The following ARHGEF3 variants were observed in gnomAD, a reference collection of about 807,000 sequenced individuals.
ARHGEF3 encodes 59.8 kDA protein.
In ARHGEF3, 28 loss-of-function variants were observed where a neutral mutation model predicts 63.2. That is an observed-to-expected ratio of 0.44 (90% CI 0.33 to 0.61). ARHGEF3 has a LOEUF of 0.61. Ranked by LOEUF, ARHGEF3 falls within the 20% of genes least tolerant of loss-of-function variation. The probability of loss-of-function intolerance (pLI) is 0.03; values close to 1 mark genes in which losing one functional copy is unlikely to be tolerated. For synonymous variants in ARHGEF3, 266 were observed against 254.2 expected (o/e 1.05, Z -0.44); for missense variants, 533 against 659.3 (o/e 0.81, Z 2.10).
intron 4 of ARHGEF3, among the ~76,000 whole-genome samples, chr3:56,853,858 C>T (rs2039765139): frequency 6.6e-6 from 1 of 152,052 alleles, no homozygotes; most frequent in African/African-American, 2.4e-5. Context: ...GGAGGGGTCA[C>T]CTCTGTTTGA....
chr3:56,816,189 T>C (rs1456978418), intron 4 of ARHGEF3, among the ~76,000 whole-genome samples: 1 of 152,186 alleles, frequency 6.6e-6, no homozygotes, highest in Non-Finnish European at 1.5e-5. Flanking sequence ...CACTCCAGCC[T>C]GAGTGACAGA....
At chr3:56,829,855 G>T (rs1010326415) in intron 4 of ARHGEF3, among the ~76,000 whole-genome samples, 5 of 152,136 alleles carry the variant, frequency 3.3e-5, no homozygotes, top group Non-Finnish European at 7.3e-5. Flanking sequence ...TCTCTAAGGA[G>T]GATATCCACA....
intron 1 of ARHGEF3, among the ~76,000 whole-genome samples, chr3:56,801,252 T>G (rs1338110119): frequency 6.6e-6 from 1 of 152,184 alleles, no homozygotes; most frequent in Non-Finnish European, 1.5e-5. Flanking sequence ...AGAGGGCTGG[T>G]ACGTCCCTCT....
At chr3:56,882,469 T>G in intron 3 of ARHGEF3, 27 of 758,344 alleles carry the variant, frequency 3.6e-5, no homozygotes, top group East Asian at 5.9e-5. Flanking sequence ...TCTACCATGG[T>G]ACCCAAAACC....
At chr3:56,784,139 G>A (rs1178446557) in intron 1 of ARHGEF3, among the ~76,000 whole-genome samples, 1 of 152,186 alleles carries the variant, frequency 6.6e-6, no homozygotes, top group African/African-American at 2.4e-5. Context: ...CTCCACATCT[G>A]CCTTCTGAGG....
At chr3:57,035,206 T>C in intron 1 of ARHGEF3, 4 of 1,247,410 alleles carry the variant, frequency 3.2e-6, no homozygotes, top group Non-Finnish European at 4.4e-6. Context: ...AACCAACATT[T>C]ATCATCTAGG....
At chr3:57,065,238 G>A (rs1705459839) in intron 1 of ARHGEF3, among the ~76,000 whole-genome samples, 2 of 152,222 alleles carry the variant, frequency 1.3e-5, no homozygotes, top group Admixed American at 6.5e-5. Flanking sequence ...GAGGCGGGCA[G>A]ATAACTTGAG....
chr3:57,079,130 C>T, intron 1 of ARHGEF3: 1 of 365,994 alleles, frequency 2.7e-6, no homozygotes, highest in African/African-American at 2.1e-5. Flanking sequence ...GACGGTCTCA[C>T]TCCGGGAGAC....
At chr3:56,804,195 C>A (rs977895206), upstream of ARHGEF3, among the ~76,000 whole-genome samples, 11 of 152,126 alleles carry the variant, frequency 7.2e-5, no homozygotes, top group Non-Finnish European at 1.5e-4. Flanking sequence ...CTAAAATGAT[C>A]ATCTCTCAAA....
chr3:56,795,461 G>A (rs1429529076), intron 1 of ARHGEF3, among the ~76,000 whole-genome samples: 3 of 152,044 alleles, frequency 2.0e-5, no homozygotes, highest in Admixed American at 6.5e-5. Context: ...TGAACTTACC[G>A]TTAAGGTTTC....
intron 2 of ARHGEF3, among the ~76,000 whole-genome samples, chr3:57,018,085 C>G (rs756462043): frequency 6.6e-6 from 1 of 152,102 alleles, no homozygotes; most frequent in East Asian, 1.9e-4. Context: ...TTGAGACCAG[C>G]CTGGCCAACA....
At chr3:56,781,254 T>C (rs2036551809) in intron 1 of ARHGEF3, among the ~76,000 whole-genome samples, 1 of 151,730 alleles carries the variant, frequency 6.6e-6, no homozygotes, top group South Asian at 2.1e-4. Flanking sequence ...TTTTTTTTTT[T>C]TTTCTTTTTT....
intron 1 of ARHGEF3, among the ~76,000 whole-genome samples, chr3:56,792,100 T>C (rs555819279): frequency 3.3e-5 from 2 of 60,592 alleles, no homozygotes; most frequent in East Asian, 8.2e-4. Context: ...TGAGACTCTG[T>C]CTCAAAAAAA....
chr3:57,024,066 C>T (rs1196789670), intron 2 of ARHGEF3, among the ~76,000 whole-genome samples: 1 of 152,144 alleles, frequency 6.6e-6, no homozygotes, highest in Non-Finnish European at 1.5e-5. Flanking sequence ...CACCCCAATG[C>T]ACCCTTCATA....
At chr3:56,968,177 TAAAA>T (rs1237704113) in intron 2 of ARHGEF3, among the ~76,000 whole-genome samples, 6 of 20,984 alleles carry the variant, frequency 2.9e-4, no homozygotes, top group East Asian at 0.013. Flanking sequence ...ATAATATATA[TAAAA>T]ATATATATTA....
At chr3:56,930,057 C>T (rs2042370899) in intron 3 of ARHGEF3, among the ~76,000 whole-genome samples, 1 of 152,124 alleles carries the variant, frequency 6.6e-6, no homozygotes, top group Non-Finnish European at 1.5e-5. Context: ...CCCCCCCTCC[C>T]ACCAGCTGTG....
chr3:57,042,692 A>ATTTTTTTT lies in ARHGEF3; in HGVS notation c.-27-7517_-27-7516insAAAAAAAA, dbSNP rs1447905041. Among the ~76,000 whole-genome samples, 55 of 23,908 alleles carry ATTTTTTTT rather than the reference A, an allele frequency of 2.3e-3. 1 individual carries two copies. The highest frequency in any genetic ancestry group is 3.5e-3 in the Non-Finnish European group (43 of 12,394). 15.7% of individuals were successfully genotyped at this position (23,908 alleles called of 152,430 possible). On this transcript the variant is annotated intron_variant, in intron 1 of 12. Transcript: ENST00000338458. ...TATATATATATATATATATATATAT[A>ATTTTTTTT]TATATATATTTTTTTTTTTTTTTAG...
chr3:56,916,415 G>C (rs1286119588), intron 3 of ARHGEF3: 1 of 1,508,368 alleles, frequency 6.6e-7, no homozygotes, highest in Non-Finnish European at 8.8e-7. Flanking sequence ...AGGATTCTCT[G>C]AACAGGGCTG....
chr3:56,907,576 G>A (rs141192897), intron 3 of ARHGEF3, among the ~76,000 whole-genome samples: 138 of 152,190 alleles, frequency 9.1e-4, no homozygotes, highest in African/African-American at 2.4e-3. Context: ...ATGTATGTTC[G>A]TTGTAGCACT....
Sources: allele counts gnomAD v4.1 joint callset (sites outside exome capture counted in the v4.1 genomes callset), GRCh38; gene constraint gnomAD v4.1.1; transcripts MANE v1.5; gene names NCBI Gene and HGNC (gene_info 2026-07-23, HGNC 2026-07-21).